Variants in GUCY2C observed in about 807,000 individuals in gnomAD.
GUCY2C encodes the protein guanylate cyclase 2C, also known as guanylyl cyclase C.
A neutral mutation model predicts 131.1 loss-of-function variants in GUCY2C; 118 were observed. The observed-to-expected ratio is 0.90, with a 90% CI of 0.78 to 1.05. GUCY2C has a LOEUF of 1.05. Among genes scored for constraint, GUCY2C ranks in the 50% least tolerant of loss-of-function variants. GUCY2C has a pLI of 0.00. For missense variants in GUCY2C, 1,161 were observed against 1,304.4 expected (o/e 0.89, Z 1.69); for synonymous variants, 452 against 457.8 (o/e 0.99, Z 0.16).
chr12:14,620,309 C>T (rs1329140765), intron 23 of GUCY2C, among the ~76,000 whole-genome samples: 1 of 152,198 alleles, frequency 6.6e-6, no homozygotes, highest in Non-Finnish European at 1.5e-5. Context: ...AGGCTGTCAA[C>T]TGATGGGACT....
chr12:14,624,038 T>C (rs1454167140), intron 21 of GUCY2C, among the ~76,000 whole-genome samples: 1 of 152,094 alleles, frequency 6.6e-6, no homozygotes, highest in Non-Finnish European at 1.5e-5. Flanking sequence ...ATGTTGTAAA[T>C]AAACGAAGGA....
chr12:14,686,056 G>C (rs1294873780), intron 3 of GUCY2C, 105 bp downstream of exon 3: 4 of 708,304 alleles, frequency 5.6e-6, no homozygotes, highest in Non-Finnish European at 9.9e-6. Context: ...CAAAATACTA[G>C]ACCTCAACAC....
At chr12:14,642,061 T>G (rs898853835) in intron 17 of GUCY2C, among the ~76,000 whole-genome samples, 1 of 152,190 alleles carries the variant, frequency 6.6e-6, no homozygotes, top group Non-Finnish European at 1.5e-5. Flanking sequence ...GACAGTACAT[T>G]AAGACAAAGA....
chr12:14,692,983 G>A (rs991008627), intron 1 of GUCY2C, among the ~76,000 whole-genome samples: 1 of 151,842 alleles, frequency 6.6e-6, no homozygotes, highest in African/African-American at 2.4e-5. Context: ...AATTTGGTGG[G>A]GGTAATGTCT....
intron 9 of GUCY2C, 98 bp downstream of exon 9, chr12:14,672,769 CTAAACA>C (rs1948141305): frequency 1.4e-6 from 1 of 715,256 alleles, no homozygotes; most frequent in African/African-American, 1.7e-5. Context: ...TCTTCAGATC[CTAAACA>C]TAATTTCTCT....
intron 3 of GUCY2C, 41 bp from the exon 4 acceptor site, chr12:14,683,298 A>T: frequency 8.1e-7 from 1 of 1,234,686 alleles, no homozygotes; most frequent in African/African-American, 1.5e-5. Flanking sequence ...TATCAGTATT[A>T]ACTTAAGTAG....
chr12:14,626,112 G>A (rs150896834), intron 20 of GUCY2C, among the ~76,000 whole-genome samples, 197 bp from the exon 21 acceptor site: 3,552 of 152,300 alleles, frequency 0.023, 67 homozygotes, highest in South Asian at 0.074. Context: ...GTCCGAGGCG[G>A]GAGGATCACT....
intron 25 of GUCY2C, among the ~76,000 whole-genome samples, chr12:14,616,006 A>G (rs1440613082): frequency 2.0e-5 from 3 of 152,168 alleles, no homozygotes; most frequent in Admixed American, 6.5e-5. Context: ...AATGTGAGGA[A>G]CTGCATGAAG....
chr12:14,658,681 A>C (rs1294438099), intron 11 of GUCY2C, among the ~76,000 whole-genome samples: 1 of 152,146 alleles, frequency 6.6e-6, no homozygotes, highest in Admixed American at 6.5e-5. Context: ...GTCTCAAAAA[A>C]ATAAAAATAA....
At chr12:14,641,020 G>A (rs1486078355) in intron 18 of GUCY2C, 62 bp downstream of exon 18, 2 of 1,519,882 alleles carry the variant, frequency 1.3e-6, no homozygotes, top group South Asian at 2.3e-5. Flanking sequence ...TAGGGTCTCA[G>A]TAAGCCTAGA....
chr12:14,672,918 A>C lies in GUCY2C; in HGVS notation c.1125T>G (p.Val375=). ...GPVTLDDWGD[V]DSTMVLLYTS... ...TATACAGAAGCACCATGGTACTGTC[A>C]ACATCCCCCCAGTCATCCAAGGTCA... Residue 375 remains valine (V), a synonymous_variant, in exon 9 of 27, where the codon GTT becomes GTG. Coordinates refer to ENST00000261170, the MANE Select transcript of GUCY2C (RefSeq NM_004963.4). 1.2e-6 allele frequency: 2 copies of C among 1,609,814 alleles called. No individual in the cohort carries two copies. The highest frequency in any genetic ancestry group is 1.7e-6 in the Non-Finnish European group (2 of 1,176,038).
At chr12:14,687,886 A>G (rs998977891) in intron 2 of GUCY2C, 65 bp downstream of exon 2, 4 of 881,640 alleles carry the variant, frequency 4.5e-6, no homozygotes, top group African/African-American at 3.3e-5. Context: ...ATGTGCCTAC[A>G]TTTCACACTG....
At chr12:14,672,748 G>A in intron 9 of GUCY2C, 125 bp downstream of exon 9, 1 of 648,322 alleles carries the variant, frequency 1.5e-6, no homozygotes, top group Non-Finnish European at 2.8e-6. Context: ...TTGTGAAGTT[G>A]AAATGAACTG....
chr12:14,663,863 G>T (rs1426059353), intron 10 of GUCY2C, among the ~76,000 whole-genome samples: 1 of 152,184 alleles, frequency 6.6e-6, no homozygotes, highest in South Asian at 2.1e-4. Context: ...TATTGCCTGA[G>T]AAGAGGCAAG....
At chr12:14,686,916 TTGA>T (rs150054808) in intron 2 of GUCY2C, among the ~76,000 whole-genome samples, 1,909 of 152,310 alleles carry the variant, frequency 0.013, 44 homozygotes, top group African/African-American at 0.042. Context: ...TGTGATGTTA[TTGA>T]TTAAAGTTTA....
intron 10 of GUCY2C, among the ~76,000 whole-genome samples, chr12:14,666,446 A>G (rs1947981390): frequency 6.6e-6 from 1 of 152,268 alleles, no homozygotes; most frequent in East Asian, 1.9e-4. Flanking sequence ...ATTAAAAGAA[A>G]ATGCCTGGCT....
intron 17 of GUCY2C, 57 bp downstream of exon 17, chr12:14,643,517 A>T: frequency 6.5e-7 from 1 of 1,542,066 alleles, no homozygotes; most frequent in Non-Finnish European, 9.0e-7. Context: ...ACCACGCTAC[A>T]TGGGTTTGAA....
chr12:14,642,802 T>C (rs1358733070), intron 17 of GUCY2C, among the ~76,000 whole-genome samples: 2 of 152,078 alleles, frequency 1.3e-5, no homozygotes, highest in Non-Finnish European at 2.9e-5. Context: ...TTAGATTGAG[T>C]TCAATATCAT....
intron 8 of GUCY2C, among the ~76,000 whole-genome samples, chr12:14,673,937 C>T (rs957637073): frequency 6.6e-6 from 1 of 152,192 alleles, no homozygotes; most frequent in African/African-American, 2.4e-5. Context: ...TAATGCTGGG[C>T]ACCTGCTGCC....
Sources: allele counts gnomAD v4.1 joint callset (sites outside exome capture counted in the v4.1 genomes callset), GRCh38; gene constraint gnomAD v4.1.1; transcripts MANE v1.5; gene names NCBI Gene and HGNC (gene_info 2026-07-23, HGNC 2026-07-21).